The following TVP23A variants were observed in gnomAD, a reference collection of about 807,000 sequenced individuals.
TVP23A encodes trans-golgi network vesicle protein 23 homolog A.
TVP23A carries 21 observed loss-of-function variants against 31.7 expected under a neutral mutation model. That is an observed-to-expected ratio of 0.66 (90% confidence interval 0.47 to 0.95). The LOEUF (loss-of-function observed/expected upper bound fraction) is 0.95. TVP23A is among the 40% of genes least tolerant of loss of function. The pLI is 0.00. For synonymous variants in TVP23A, 104 were observed against 96.0 expected, an observed-to-expected ratio of 1.08 and a Z score of -0.49; for missense variants, 279 against 255.6, an observed-to-expected ratio of 1.09 and a Z score of -0.62.
intron 2 of TVP23A, among the ~76,000 whole-genome samples, chr16:10,810,571 A>G (rs1413837190): frequency 6.6e-6 from 1 of 151,728 alleles, no homozygotes; most frequent in African/African-American, 2.4e-5. Flanking sequence ...AGAAAAGAAA[A>G]GAAAAGAAAA....
chr16:10,778,249 G>A (rs533624786), intron 2 of TVP23A, among the ~76,000 whole-genome samples: 24 of 152,190 alleles, frequency 1.6e-4, no homozygotes, highest in Admixed American at 3.9e-4. Flanking sequence ...CAGGAGAATC[G>A]CTTGAACCTG....
intron 6 of TVP23A, among the ~76,000 whole-genome samples, chr16:10,771,119 A>G (rs1035384201): frequency 5.9e-5 from 9 of 152,176 alleles, no homozygotes; most frequent in Non-Finnish European, 8.8e-5. Flanking sequence ...AAGTTTTGCA[A>G]GATGAAAGCA....
intron 2 of TVP23A, among the ~76,000 whole-genome samples, chr16:10,790,503 T>C (rs1171507585): frequency 6.6e-6 from 1 of 152,104 alleles, no homozygotes; most frequent in Non-Finnish European, 1.5e-5. Flanking sequence ...GCCAGGATGG[T>C]CTTGATCTCC....
At chr16:10,780,866 C>A (rs2032378195) in intron 2 of TVP23A, among the ~76,000 whole-genome samples, 1 of 152,070 alleles carries the variant, frequency 6.6e-6, no homozygotes, top group Non-Finnish European at 1.5e-5. Flanking sequence ...CCCCCTCTGA[C>A]CACAACTTTC....
At chr16:10,792,666 G>A (rs1211162317) in intron 2 of TVP23A, among the ~76,000 whole-genome samples, 2 of 152,260 alleles carry the variant, frequency 1.3e-5, no homozygotes, top group African/African-American at 4.8e-5. Flanking sequence ...ACGCCGTGGG[G>A]CCTGCACTAA....
chr16:10,761,635 G>T, intron 8 of TVP23A: 6 of 955,366 alleles, frequency 6.3e-6, no homozygotes, highest in Non-Finnish European at 9.4e-6. Context: ...AGTTCTTTAG[G>T]TGTTAAGGGT....
downstream of TVP23A, chr16:10,762,101 G>A (rs1210708825): frequency 4.9e-6 from 2 of 409,826 alleles, no homozygotes; most frequent in East Asian, 7.9e-5. Context: ...CTGGAAGAAT[G>A]GGGTAGAGGT....
At chr16:10,797,634 G>A (rs987144503) in intron 2 of TVP23A, among the ~76,000 whole-genome samples, 3 of 152,014 alleles carry the variant, frequency 2.0e-5, no homozygotes, top group African/African-American at 7.3e-5. Flanking sequence ...GGGAGACTGA[G>A]GATTGAACCT....
downstream of TVP23A, chr16:10,757,847 C>T (rs748680341): frequency 6.2e-7 from 1 of 1,601,662 alleles, no homozygotes; most frequent in East Asian, 2.2e-5. The surrounding 1 kb of genome is among the most constrained non-coding windows in gnomAD (Gnocchi z 4.1). Flanking sequence ...GAAAAGTAAG[C>T]ATCCCCTGTG....
chr16:10,798,608 T>A (rs2033531698), intron 2 of TVP23A, among the ~76,000 whole-genome samples: 1 of 151,602 alleles, frequency 6.6e-6, no homozygotes, highest in Admixed American at 6.6e-5. Context: ...CAGAAGTGAT[T>A]GTATGTCACT....
intron 2 of TVP23A, among the ~76,000 whole-genome samples, chr16:10,815,325 C>A (rs1475435624): frequency 6.6e-6 from 1 of 152,140 alleles, no homozygotes; most frequent in Non-Finnish European, 1.5e-5. Flanking sequence ...GGCGGGAGAA[C>A]TGCTTGAACC....
At chr16:10,757,765 C>T (rs911978224), downstream of TVP23A, 12 of 1,405,294 alleles carry the variant, frequency 8.5e-6, no homozygotes, top group African/African-American at 1.7e-4. This position sits in a 1 kb window ranked among gnomAD's most constrained non-coding sequence, Gnocchi z 4.1. Context: ...GAGTTAAGAG[C>T]CAACCTGGGC....
At chr16:10,759,181 A>G (rs1169900433), downstream of TVP23A, among the ~76,000 whole-genome samples, 1 of 152,206 alleles carries the variant, frequency 6.6e-6, no homozygotes, top group African/African-American at 2.4e-5. The surrounding 1 kb of genome is among the most constrained non-coding windows in gnomAD (Gnocchi z 4.7). Flanking sequence ...GGGCAGTAAA[A>G]AGGCCTGGCT....
At chr16:10,760,457 C>T (rs1900868059), downstream of TVP23A, among the ~76,000 whole-genome samples, 1 of 152,212 alleles carries the variant, frequency 6.6e-6, no homozygotes, top group South Asian at 2.1e-4. Context: ...GTTAAAAGGT[C>T]ATTTTCAGAT....
At position 10,783,483 on chromosome 16, in the gene TVP23A, C is replaced by G. The variant is rs184702783; in HGVS notation, c.90-8387G>C. Among the ~76,000 whole-genome samples, 233 of 152,240 alleles carry G rather than the reference C, an allele frequency of 1.5e-3. 2 individuals carry two copies. Among genetic ancestry groups the G allele is most frequent in the African/African-American group, 5.5e-3 (230 of 41,518 alleles). On this transcript the variant is annotated intron_variant, in intron 2 of 7. Coordinates refer to ENST00000299866, the MANE Select transcript of TVP23A (RefSeq NM_001079512.4). ...TTGAGACCAAGAGTTCGAGACCAGC[C>G]TGGCCAACATGGCAAAAATCCATCT...
intron 3 of TVP23A, 122 bp downstream of exon 3, chr16:10,774,830 G>A: frequency 2.5e-6 from 2 of 808,136 alleles, no homozygotes; most frequent in South Asian, 1.9e-5. Flanking sequence ...ACTTTTAAGT[G>A]ACACTGCTCA....
downstream of TVP23A, among the ~76,000 whole-genome samples, chr16:10,760,296 A>G (rs1900854518): frequency 6.6e-6 from 1 of 152,224 alleles, no homozygotes; most frequent in African/African-American, 2.4e-5. Flanking sequence ...CGGTGCCTAG[A>G]GGGACGGGCA....
At chr16:10,793,116 C>G (rs1042088686) in intron 2 of TVP23A, among the ~76,000 whole-genome samples, 4 of 152,074 alleles carry the variant, frequency 2.6e-5, no homozygotes, top group African/African-American at 4.8e-5. Flanking sequence ...TAGCGAAACC[C>G]TGTCTCTACT....
At chr16:10,801,617 T>C (rs922974800) in intron 2 of TVP23A, among the ~76,000 whole-genome samples, 2 of 152,124 alleles carry the variant, frequency 1.3e-5, no homozygotes, top group African/African-American at 2.4e-5. Flanking sequence ...CTACCATGCC[T>C]GGATAATTTT....
Sources: gnomAD v4.1 joint callset for allele counts (sites outside exome capture counted in the v4.1 genomes callset) on GRCh38, gnomAD v4.1.1 for gene constraint, Gnocchi (gnomAD v3.1) non-coding constraint, MANE v1.5 for transcripts, NCBI Gene and HGNC (gene_info 2026-07-23, HGNC 2026-07-21) for gene names.